The following BCL2L1 variants were observed in gnomAD, a reference collection of about 807,000 sequenced individuals.
The protein encoded by BCL2L1 is bcl-2-like protein 1.
BCL2L1 carries 1 observed loss-of-function variant against 18.7 expected under a neutral mutation model. The observed-to-expected ratio is 0.05, with a 90% CI of 0.02 to 0.25. The LOEUF (loss-of-function observed/expected upper bound fraction) is 0.25. Ranked by LOEUF, BCL2L1 falls within the 10% of genes least tolerant of loss-of-function variation. BCL2L1 has a pLI of 1.00. For synonymous variants in BCL2L1, 103 were observed against 122.7 expected (o/e 0.84, Z 1.06); for missense variants, 207 against 304.9 (o/e 0.68, Z 2.39).
chr20:31,671,015 G>A (rs1418124055), intron 2 of BCL2L1, among the ~76,000 whole-genome samples: 2 of 152,146 alleles, frequency 1.3e-5, no homozygotes, highest in African/African-American at 4.8e-5. Flanking sequence ...GGGTTGTAGG[G>A]AGGTCTCTGA....
intron 2 of BCL2L1, chr20:31,716,804 A>G (rs1242840805): frequency 6.6e-6 from 1 of 152,254 alleles, no homozygotes; most frequent in Non-Finnish European, 1.5e-5. Flanking sequence ...TTTGCCAGGT[A>G]CCACACCAAT....
chr20:31,696,016 G>A (rs2122660011), intron 2 of BCL2L1, among the ~76,000 whole-genome samples: 1 of 152,278 alleles, frequency 6.6e-6, no homozygotes, highest in African/African-American at 2.4e-5. Context: ...CTGGGCTCAA[G>A]CAATACTCCC....
intron 2 of BCL2L1, among the ~76,000 whole-genome samples, chr20:31,697,500 C>T (rs1021077424): frequency 1.3e-5 from 2 of 151,432 alleles, no homozygotes; most frequent in Admixed American, 6.6e-5. Flanking sequence ...TGCAGTGGCA[C>T]GATCTTGACT....
chr20:31,689,359 G>A, intron 2 of BCL2L1, among the ~76,000 whole-genome samples: 1 of 143,854 alleles, frequency 7.0e-6, no homozygotes, highest in Non-Finnish European at 1.5e-5. Context: ...AGGAGGCTGA[G>A]GCGGGTGGAT....
At chr20:31,666,212 C>G in intron 2 of BCL2L1, 126 bp from the exon 3 acceptor site, 2 of 1,231,506 alleles carry the variant, frequency 1.6e-6, no homozygotes, top group Non-Finnish European at 2.3e-6. Context: ...TGTGCCCACT[C>G]TGGGCCAGGT....
intron 2 of BCL2L1, among the ~76,000 whole-genome samples, chr20:31,677,463 C>T (rs1340175010): frequency 2.6e-5 from 4 of 152,166 alleles, no homozygotes; most frequent in African/African-American, 4.8e-5. Flanking sequence ...AGATTACAGG[C>T]GTCAGCCACT....
At chr20:31,686,990 C>T (rs891163287) in intron 2 of BCL2L1, among the ~76,000 whole-genome samples, 4 of 152,118 alleles carry the variant, frequency 2.6e-5, no homozygotes, top group Non-Finnish European at 5.9e-5. Context: ...AGGACAATAA[C>T]ATGTTTCCCA....
intron 2 of BCL2L1, among the ~76,000 whole-genome samples, chr20:31,701,352 T>C (rs2061274876): frequency 6.6e-6 from 1 of 152,204 alleles, no homozygotes; most frequent in African/African-American, 2.4e-5. Flanking sequence ...ACGCCCGGCC[T>C]GTAGTTAGAT....
chr20:31,665,782 A>C lies in BCL2L1; in HGVS notation c.*167T>G. On this transcript the variant is annotated 3_prime_UTR_variant, in exon 3 of 3. Transcript: ENST00000307677. Reference sequence around the variant, plus strand: ...GTGGGGGTCTCACAGAAGTGTGATAAATTCTAGAAAACTAGCTGCAAGGGA... The same window carrying C: ...GTGGGGGTCTCACAGAAGTGTGATACATTCTAGAAAACTAGCTGCAAGGGA... 2.3e-6 allele frequency: 2 copies of C among 882,554 alleles called. No homozygotes were observed. Among genetic ancestry groups the C allele is most frequent in the East Asian group, 2.7e-5 (1 of 37,210 alleles). The allele number at this position is 882,554 out of a possible 1,614,324, so 54.7% of individuals were successfully genotyped here. A position where few individuals can be genotyped will look rare whatever the true frequency, so the allele number is the denominator to read the frequency against.
At position 31,665,910 on chromosome 20, in the gene BCL2L1, G is replaced by A; in HGVS notation, c.*39C>T. Reference sequence around the variant, plus strand: ...TGGACGGAGGATGTGGTGGAGCAGAGAAGGGGGTGGGAGGGTAGAGTGGAT... The same window carrying A: ...TGGACGGAGGATGTGGTGGAGCAGAAAAGGGGGTGGGAGGGTAGAGTGGAT... On this transcript the variant is annotated 3_prime_UTR_variant, in exon 3 of 3. Coordinates refer to ENST00000307677, the MANE Select transcript of BCL2L1 (RefSeq NM_138578.3). 2.5e-6 allele frequency: 4 copies of A among 1,605,320 alleles called. No individual in the cohort carries two copies. The highest frequency in any genetic ancestry group is 3.4e-6 in the Non-Finnish European group (4 of 1,174,982).
chr20:31,683,541 G>C (rs1484294478), intron 2 of BCL2L1, among the ~76,000 whole-genome samples: 2 of 152,160 alleles, frequency 1.3e-5, no homozygotes, highest in Non-Finnish European at 2.9e-5. Flanking sequence ...GAACGAGGCA[G>C]GTGGATCACC....
At chr20:31,711,609 A>G (rs1030437573) in intron 2 of BCL2L1, among the ~76,000 whole-genome samples, 3 of 152,224 alleles carry the variant, frequency 2.0e-5, no homozygotes, top group Admixed American at 6.5e-5. Flanking sequence ...CTGATTTAAC[A>G]AAAGAAATGA....
At chr20:31,718,702 C>CA (rs2061577723) in intron 2 of BCL2L1, among the ~76,000 whole-genome samples, 1 of 151,874 alleles carries the variant, frequency 6.6e-6, no homozygotes, top group South Asian at 2.1e-4. Flanking sequence ...TCACTCTGGG[C>CA]AAAACCCTGA....
chr20:31,714,048 G>A (rs769367692), intron 2 of BCL2L1, among the ~76,000 whole-genome samples: 4 of 152,158 alleles, frequency 2.6e-5, no homozygotes, highest in Non-Finnish European at 5.9e-5. Flanking sequence ...ATAAATATAG[G>A]GTAGCACTAT....
chr20:31,691,202 A>AGTATATAAGCTCTAG lies in BCL2L1; in HGVS notation c.565-25117_565-25116insCTAGAGCTTATATAC, dbSNP rs2061067200. ...AAAAAAAAAAAAGAAATATTAATACAGTATATACAATAAGCTCTAGGTATA... is the reference window on the plus strand; with the variant it reads ...AAAAAAAAAAAAGAAATATTAATACAGTATATAAGCTCTAGGTATATACAATAAGCTCTAGGTATA... On this transcript the variant is annotated intron_variant, in intron 2 of 2. Coordinates refer to ENST00000307677, the MANE Select transcript of BCL2L1 (RefSeq NM_138578.3). Among the ~76,000 whole-genome samples, 7 of 144,762 alleles carry AGTATATAAGCTCTAG rather than the reference A, an allele frequency of 4.8e-5. No homozygotes were observed. In the South Asian group the frequency reaches 1.6e-3, roughly 32 times the overall value. The allele number at this position is 144,762 out of a possible 152,430, so 95.0% of individuals were successfully genotyped here. A position where few individuals can be genotyped will look rare whatever the true frequency, so the allele number is the denominator to read the frequency against.
Position 31,665,670 on chromosome 20 carries a change from C to T in BCL2L1, c.*279G>A. ...CAATCAGGTAGGGCCCTCCTGCCCC[C>T]AGCCACAAACCCTTCCATACCTGCC... On this transcript the variant is annotated 3_prime_UTR_variant, in exon 3 of 3. Transcript: ENST00000307677. The T allele has an allele frequency of 2.0e-6, 1 of 488,504 alleles. No homozygotes were observed. The highest frequency in any genetic ancestry group is 3.7e-6 in the Non-Finnish European group (1 of 273,580). The allele number at this position is 488,504 out of a possible 1,614,324, so 30.3% of individuals were successfully genotyped here.
At chr20:31,687,156 A>AAAAAC (rs970874781) in intron 2 of BCL2L1, among the ~76,000 whole-genome samples, 18 of 152,278 alleles carry the variant, frequency 1.2e-4, no homozygotes, top group South Asian at 8.3e-4. Context: ...CCATCTCTAC[A>AAAAAC]AAAACAAAAC....
In BCL2L1 at chr20:31,700,573, C is replaced by A. The variant is rs188147500; in HGVS notation, c.564+21082G>T. 1.2e-4 allele frequency among the ~76,000 whole-genome samples: 18 copies of A among 152,342 alleles called. No homozygotes were observed. In the East Asian group the frequency reaches 3.1e-3, roughly 26 times the overall value. ...TTTGACTGCCACTGCCCACGGGTCT[C>A]TTCTTGAGAGTTGGTCTCAGCCTGC... On this transcript the variant is annotated intron_variant, in intron 2 of 2. Coordinates refer to ENST00000307677, the MANE Select transcript of BCL2L1 (RefSeq NM_138578.3).
Position 31,702,902 on chromosome 20 carries a change from CACTT to C in BCL2L1, c.564+18749_564+18752del, listed in dbSNP as rs1210617046. Among the ~76,000 whole-genome samples the C allele has an allele frequency of 4.1e-5, 6 of 145,954 alleles. 1 individual carries two copies. Among genetic ancestry groups the C allele is most frequent in the Non-Finnish European group, 6.0e-5 (4 of 66,604 alleles). ...CGGAGGTTGCAGTGAGCCGAAATGA[CACTT>C]ACTGCACTCCAGCCTGGGCGACAGG... On this transcript the variant is annotated intron_variant, in intron 2 of 2. Transcript: ENST00000307677.
Sources: allele counts gnomAD v4.1 joint callset (sites outside exome capture counted in the v4.1 genomes callset), GRCh38; gene constraint gnomAD v4.1.1; transcripts MANE v1.5; gene names NCBI Gene and HGNC (gene_info 2026-07-23, HGNC 2026-07-21).